Variants in PUM1 observed in about 807,000 individuals in gnomAD.
The protein encoded by PUM1 is pumilio homolog 1.
Under a neutral mutation model 131.8 loss-of-function variants are expected in PUM1, and 13 were observed. The observed-to-expected ratio is 0.10, with a 90% CI of 0.06 to 0.16. The LOEUF is 0.16. Among genes scored for constraint, PUM1 ranks in the 10% least tolerant of loss-of-function variants. PUM1 has a pLI of 1.00. For missense variants in PUM1, 961 were observed against 1,512.4 expected (o/e 0.64, Z 6.05); for synonymous variants, 509 against 556.5 (o/e 0.91, Z 1.20).
intron 10 of PUM1, among the ~76,000 whole-genome samples, chr1:30,973,969 T>C (rs142090264): frequency 0.037 from 5,619 of 151,896 alleles, 322 homozygotes; most frequent in African/African-American, 0.13. Context: ...GTGCCTGTAA[T>C]CCCAGCTACT....
chr1:31,056,489 G>A (rs1479219344), intron 2 of PUM1, among the ~76,000 whole-genome samples: 1 of 151,726 alleles, frequency 6.6e-6, no homozygotes, highest in African/African-American at 2.4e-5. Context: ...CACCATGTTG[G>A]CCAGGCTGGT....
intron 14 of PUM1, among the ~76,000 whole-genome samples, chr1:30,957,087 T>TACACACAC (rs58044891): frequency 0.21 from 29,787 of 139,660 alleles, 3,578 homozygotes; most frequent in East Asian, 0.39. Flanking sequence ...AGGACATTCA[T>TACACACAC]ACACACACAC....
rs868118342 is a variant in PUM1 at position 30,935,392 on chromosome 1, C to T, written c.3435+1251G>A. Among the ~76,000 whole-genome samples, 6 of 152,334 alleles carry T rather than the reference C, an allele frequency of 3.9e-5. No individual in the cohort carries two copies. In the Middle Eastern group the frequency reaches 0.01, roughly 259 times the overall value. The stretch of plus-strand genomic sequence containing the variant: ...CCTGCCCATTCCTGGACAACCCTTT[C>T]CCCTGTATTTCTCCAGTGTCCCAGT... On this transcript the variant is annotated intron_variant, in intron 21 of 21. Coordinates refer to ENST00000426105, the MANE Select transcript of PUM1 (RefSeq NM_001020658.2).
At chr1:31,013,774 T>A (rs896180027) in intron 3 of PUM1, among the ~76,000 whole-genome samples, 3 of 152,178 alleles carry the variant, frequency 2.0e-5, no homozygotes, top group Non-Finnish European at 4.4e-5. Context: ...CTTGTAAAAA[T>A]TTTGTATTTT....
intron 2 of PUM1, among the ~76,000 whole-genome samples, chr1:31,058,663 A>C (rs1379370915): frequency 7.5e-6 from 1 of 133,382 alleles, no homozygotes; most frequent in African/African-American, 3.5e-5. Context: ...CTCCGTCTTA[A>C]AAAAAAAAAA....
At position 30,963,102 on chromosome 1, in the gene PUM1, C is replaced by T. The variant is rs184979871; in HGVS notation, c.2323+1572G>A. ...CAAATCTGAGATGACACAGGCTAGG[C>T]AAGATATTTAAGTCCTGAGACACGA... On this transcript the variant is annotated intron_variant, in intron 14 of 21. Transcript: ENST00000426105. 3.0e-3 allele frequency among the ~76,000 whole-genome samples: 459 copies of T among 152,246 alleles called. 3 individuals are homozygous for T. The South Asian group carries it at 0.032, about 10-fold the overall frequency.
At chr1:30,995,362 A>AC in intron 5 of PUM1, 142 bp from the exon 6 acceptor site, 2 of 887,630 alleles carry the variant, frequency 2.3e-6, no homozygotes, top group East Asian at 4.8e-5. Flanking sequence ...TAATTAACAA[A>AC]CAACACAGAG....
At chr1:30,935,472 G>A (rs933238667) in intron 21 of PUM1, among the ~76,000 whole-genome samples, 9 of 152,168 alleles carry the variant, frequency 5.9e-5, no homozygotes, top group Admixed American at 3.9e-4. Context: ...CTGAGAATAC[G>A]ACCTGCTGTA....
chr1:31,011,164 T>TACAC (rs138764103), intron 3 of PUM1, among the ~76,000 whole-genome samples: 16,796 of 142,902 alleles, frequency 0.12, 1,239 homozygotes, highest in African/African-American at 0.21. Context: ...TCTCTTAAAA[T>TACAC]ACACACACAC....
At chr1:31,010,578 G>A (rs760513393) in intron 3 of PUM1, among the ~76,000 whole-genome samples, 3 of 152,122 alleles carry the variant, frequency 2.0e-5, no homozygotes, top group African/African-American at 7.2e-5. Context: ...CTGTTGCTCC[G>A]CAGCTTCCCA....
rs1223375046 is a variant in PUM1, at chr1:30,933,428, TCA to T, written c.3436-88_3436-87del. 1.4e-5 allele frequency: 13 copies of T among 950,636 alleles called. No homozygotes were observed. In the East Asian group the frequency reaches 2.4e-4, roughly 18 times the overall value. The allele number at this position is 950,636 out of a possible 1,614,324, so 58.9% of individuals were successfully genotyped here. A position where few individuals can be genotyped will look rare whatever the true frequency, so the allele number is the denominator to read the frequency against. On this transcript the variant is annotated intron_variant, in intron 21 of 21. Transcript: ENST00000426105. ...CGGACATGCATTTGCATGTCATGCA[TCA>T]CACACACATACACACACACACACAC...
chr1:30,936,511 CAG>C, intron 21 of PUM1, 130 bp downstream of exon 21: 1 of 913,062 alleles, frequency 1.1e-6, no homozygotes, highest in Non-Finnish European at 1.6e-6. Context: ...AAAAGAAAAA[CAG>C]AACACAGCAT....
At chr1:31,013,502 G>A (rs1642696327) in intron 3 of PUM1, among the ~76,000 whole-genome samples, 1 of 152,182 alleles carries the variant, frequency 6.6e-6, no homozygotes, top group Admixed American at 6.5e-5. Flanking sequence ...GTTTGATCAT[G>A]TTATTATCTA....
chr1:31,028,250 G>C (rs1481170715), intron 3 of PUM1, among the ~76,000 whole-genome samples: 8 of 152,118 alleles, frequency 5.3e-5, no homozygotes, highest in Non-Finnish European at 1.2e-4. Flanking sequence ...TTCCTGTAAT[G>C]GATGACTGGC....
intron 3 of PUM1, among the ~76,000 whole-genome samples, chr1:31,021,754 C>T (rs1020556364): frequency 1.3e-5 from 2 of 152,082 alleles, no homozygotes; most frequent in African/African-American, 4.8e-5. Flanking sequence ...CTTGAATTCC[C>T]CTTCACAGCT....
chr1:31,025,545 CTTTTTTTTTTTT>C (rs35510099), intron 3 of PUM1, among the ~76,000 whole-genome samples: 2 of 88,822 alleles, frequency 2.3e-5, no homozygotes, highest in African/African-American at 4.6e-5. Flanking sequence ...TGTTTTTTGT[CTTTTTTTTTTTT>C]TTTTTTTTTT....
chr1:31,040,894 G>C (rs1364018248), intron 2 of PUM1, among the ~76,000 whole-genome samples: 1 of 152,148 alleles, frequency 6.6e-6, no homozygotes, highest in Non-Finnish European at 1.5e-5. Context: ...TGAGCAAAAG[G>C]GTGAGAAATA....
chr1:31,065,598 T>C lies in PUM1; in HGVS notation c.-12+18A>G. ...GGTCCGGAGCAGCGTTTGGGGCCGG[T>C]GGGGTGCGGATACTCACGGGCGGAG... is the stretch of plus-strand genomic sequence containing the variant. On this transcript the variant is annotated intron_variant, in intron 1 of 21. Transcript: ENST00000426105. 6.5e-7 allele frequency: 1 copy of C among 1,541,486 alleles called. No individual in the cohort carries two copies. The highest frequency in any genetic ancestry group is 1.2e-5 in the South Asian group (1 of 83,908).
intron 3 of PUM1, among the ~76,000 whole-genome samples, chr1:31,019,090 T>C (rs552441594): frequency 6.6e-6 from 1 of 152,266 alleles, no homozygotes; most frequent in African/African-American, 2.4e-5. Flanking sequence ...TGGTGGCTCA[T>C]GCCTGTAATC....
Sources: gnomAD v4.1 joint callset for allele counts (sites outside exome capture counted in the v4.1 genomes callset) on GRCh38, gnomAD v4.1.1 for gene constraint, MANE v1.5 for transcripts, NCBI Gene and HGNC (gene_info 2026-07-23, HGNC 2026-07-21) for gene names.